The following SEPTIN4 variants were observed in gnomAD, a reference collection of about 807,000 sequenced individuals.
SEPTIN4 encodes septin-4.
Under a neutral mutation model 107.1 loss-of-function variants are expected in SEPTIN4, and 52 were observed. That is an observed-to-expected ratio of 0.49 (90% CI 0.39 to 0.61). SEPTIN4 has a LOEUF of 0.61. Among genes scored for constraint, SEPTIN4 ranks in the 20% least tolerant of loss-of-function variants. SEPTIN4 has a pLI of 0.00. For missense variants in SEPTIN4, 1,048 were observed against 1,243.5 expected (o/e 0.84, Z 2.36); for synonymous variants, 417 against 467.0 (o/e 0.89, Z 1.38).
At chr17:58,531,958 T>TA in intron 3 of SEPTIN4, 7 of 1,148,170 alleles carry the variant, frequency 6.1e-6, no homozygotes, top group Non-Finnish European at 7.5e-6. Flanking sequence ...CTGCCTGCCT[T>TA]ACCATGGCTG....
At chr17:58,531,892 G>T in intron 3 of SEPTIN4, 1 of 1,116,252 alleles carries the variant, frequency 9.0e-7, no homozygotes. Context: ...CCTTGCAGCC[G>T]CCCGGGAGCG....
chr17:58,522,426 G>A (rs1446839223), intron 7 of SEPTIN4, among the ~76,000 whole-genome samples: 1 of 152,066 alleles, frequency 6.6e-6, no homozygotes, highest in South Asian at 2.1e-4. Context: ...TTGGGAGGCC[G>A]AGGCGGGTGG....
intron 13 of SEPTIN4, 49 bp from the exon 14 acceptor site, chr17:58,520,534 G>T: frequency 6.2e-7 from 1 of 1,606,330 alleles, no homozygotes; most frequent in Non-Finnish European, 8.5e-7. Context: ...GAGTCCTTTA[G>T]TATTGGGAAA....
chr17:58,531,842 C>T lies in SEPTIN4; in HGVS notation c.1615-4864G>A, dbSNP rs552925182. ...CTGTGCCCGGGGCCGGCGACGGCGCCTCCCACCCTGCACAGCCGCGGCTGC... is the reference window on the plus strand; with the variant it reads ...CTGTGCCCGGGGCCGGCGACGGCGCTTCCCACCCTGCACAGCCGCGGCTGC... On this transcript the variant is annotated intron_variant, in intron 3 of 13. Coordinates refer to ENST00000672673, the MANE Select transcript of SEPTIN4 (RefSeq NM_001368771.2). The T allele has an allele frequency of 6.2e-5, 61 of 978,040 alleles. 1 individual carries two copies. In the African/African-American group the frequency reaches 9.7e-4, roughly 16 times the overall value. 60.6% of individuals were successfully genotyped at this position (978,040 alleles called of 1,614,324 possible).
At chr17:58,542,161 C>G (rs925217539) in intron 1 of SEPTIN4, among the ~76,000 whole-genome samples, 195 bp from the exon 2 acceptor site, 11 of 152,010 alleles carry the variant, frequency 7.2e-5, no homozygotes, top group African/African-American at 2.7e-4. Context: ...TTTTTTACAC[C>G]CTCTCTCTGT....
intron 1 of SEPTIN4, 149 bp downstream of exon 1, chr17:58,542,477 G>A (rs1220146025): frequency 8.9e-7 from 1 of 1,122,254 alleles, no homozygotes; most frequent in Admixed American, 2.6e-5. Flanking sequence ...GGAAGGAATG[G>A]AGCAATAGGC....
At chr17:58,525,980 A>G (rs1289852504) in intron 5 of SEPTIN4, among the ~76,000 whole-genome samples, 199 bp from the exon 6 acceptor site, 1 of 152,090 alleles carries the variant, frequency 6.6e-6, no homozygotes. Flanking sequence ...GTCACACAAA[A>G]AGAGGCAAAT....
chr17:58,526,452 G>A (rs2144105057), intron 4 of SEPTIN4, 139 bp from the exon 5 acceptor site: 2 of 1,386,372 alleles, frequency 1.4e-6, no homozygotes, highest in East Asian at 5.7e-5. Context: ...TCCCATCTGA[G>A]GCCACCAGCT....
At chr17:58,533,530 A>G (rs2043601958) in intron 3 of SEPTIN4, among the ~76,000 whole-genome samples, 5 of 151,674 alleles carry the variant, frequency 3.3e-5, no homozygotes, top group Admixed American at 2.6e-4. Context: ...AAGGTTGGAC[A>G]TGCAGTGATT....
chr17:58,541,044 C>T (rs1245996462), intron 2 of SEPTIN4, among the ~76,000 whole-genome samples: 9 of 152,164 alleles, frequency 5.9e-5, no homozygotes, highest in Non-Finnish European at 1.0e-4. Context: ...TTAGATAACT[C>T]GAGTTCGTAC....
At chr17:58,528,767 A>T (rs150158066) in intron 3 of SEPTIN4, among the ~76,000 whole-genome samples, 7 of 152,268 alleles carry the variant, frequency 4.6e-5, no homozygotes, top group Non-Finnish European at 1.0e-4. Context: ...AGGGTGGGAG[A>T]GAGAAAGCTG....
chr17:58,525,875 T>C, intron 5 of SEPTIN4, 94 bp from the exon 6 acceptor site: 1 of 1,097,450 alleles, frequency 9.1e-7, no homozygotes, highest in Non-Finnish European at 1.4e-6. Flanking sequence ...GGGACTGCTT[T>C]CTTATCTAAT....
rs1376642987 is a variant in SEPTIN4 at position 58,521,214 on chromosome 17, AG to A, written c.2668+39del. The A allele has an allele frequency of 6.2e-7, 1 of 1,613,984 alleles. No homozygotes were observed. The highest frequency in any genetic ancestry group is 8.5e-7 in the Non-Finnish European group (1 of 1,179,946). ...AGGCATAGGTAGGGGAGAGCCACTG[AG>A]GGCAAGGAGATACCCTGGTCACAGG... On this transcript the variant is annotated intron_variant, in intron 11 of 13. Coordinates refer to ENST00000672673, the MANE Select transcript of SEPTIN4 (RefSeq NM_001368771.2). This position sits in a 1 kb window ranked among gnomAD's most constrained non-coding sequence, Gnocchi z 6.4.
At position 58,542,626 on chromosome 17, in the gene SEPTIN4, C is replaced by G; in HGVS notation, c.1561G>C (p.Asp521His). 2 of 1,606,666 alleles carry G rather than the reference C, an allele frequency of 1.2e-6. No individual in the cohort carries two copies. The highest frequency in any genetic ancestry group is 1.7e-6 in the Non-Finnish European group (2 of 1,176,608). Residue 521 changes from aspartate to histidine, a missense_variant and splice_region_variant, in exon 1 of 14, where the codon GAT becomes CAT. By Grantham distance (81) the Asp-to-His change is moderately conservative (BLOSUM62 -1). Coordinates refer to ENST00000672673, the MANE Select transcript of SEPTIN4 (RefSeq NM_001368771.2). ...CTGGGCAGTCTGCTTCTTCACATAC[C>G]CAGGAAGAAAGCAGTAAACCTTTGA... The part of the protein sequence containing the change: ...PIQRFTAFFL[D>H]VSEEMYNRVI...
At position 58,526,952 on chromosome 17, in the gene SEPTIN4, C is replaced by T. The variant is rs200161032; in HGVS notation, c.1641G>A (p.Thr547=). 8.3e-4 allele frequency: 1,345 copies of T among 1,614,042 alleles called. 30 individuals carry two copies. The South Asian group carries it at 0.013, about 16-fold the overall frequency. Residue 547 remains threonine, a synonymous_variant, in exon 4 of 14, where the codon ACG becomes ACA. Transcript: ENST00000672673. The part of the protein sequence containing the change: ...EEIKRFLEDT[T]DDGELSKFVK... Reference sequence around the variant, plus strand: ...CGAACTTGCTCAGTTCTCCATCATCCGTGGTGTCCTCCAGGAAACGCTTGA... The same window carrying T: ...CGAACTTGCTCAGTTCTCCATCATCTGTGGTGTCCTCCAGGAAACGCTTGA...
intron 3 of SEPTIN4, among the ~76,000 whole-genome samples, chr17:58,535,733 A>C (rs1393843460): frequency 6.6e-6 from 1 of 152,214 alleles, no homozygotes; most frequent in Non-Finnish European, 1.5e-5. Flanking sequence ...AAGCTCCTCA[A>C]GGGCAGGGAC....
chr17:58,539,123 C>G, intron 3 of SEPTIN4: 7 of 1,532,266 alleles, frequency 4.6e-6, no homozygotes, highest in Non-Finnish European at 6.1e-6. Flanking sequence ...TCCAGAGAGT[C>G]AGAGAAGACC....
At position 58,543,988 on chromosome 17, in the gene SEPTIN4, A is replaced by T; in HGVS notation, c.199T>A (p.Tyr67Asn). 3.7e-6 allele frequency: 6 copies of T among 1,613,808 alleles called. No individual in the cohort carries two copies. Among genetic ancestry groups the T allele is most frequent in the Non-Finnish European group, 5.1e-6 (6 of 1,179,852 alleles). ...HPTTPHSASD[Y>N]PRSVSLQSGP... The stretch of plus-strand genomic sequence containing the variant: ...GACTGGAGGGAGACAGATCGAGGGT[A>T]GTCTGATGCTGAATGGGGAGTGGTG... The change falls in exon 1 of 14, where the codon TAC becomes AAC. Residue 67 changes from tyrosine to asparagine, a missense_variant. By Grantham distance (143) the Tyr-to-Asn change is moderately radical. Coordinates refer to ENST00000672673, the MANE Select transcript of SEPTIN4 (RefSeq NM_001368771.2).
At chr17:58,541,428 G>C (rs987094484) in intron 2 of SEPTIN4, among the ~76,000 whole-genome samples, 13 of 152,180 alleles carry the variant, frequency 8.5e-5, no homozygotes, top group East Asian at 1.9e-4. Flanking sequence ...TGGCCTCAAG[G>C]GGGAGGCCCA....
Sources: gnomAD v4.1 joint callset for allele counts (sites outside exome capture counted in the v4.1 genomes callset) on GRCh38, gnomAD v4.1.1 for gene constraint, Gnocchi (gnomAD v3.1) non-coding constraint, MANE v1.5 for transcripts, NCBI Gene and HGNC (gene_info 2026-07-23, HGNC 2026-07-21) for gene names.